Variants in PKIB observed in about 807,000 individuals in gnomAD.
The protein encoded by PKIB is cAMP-dependent protein kinase inhibitor beta.
Under a neutral mutation model 4.5 loss-of-function variants are expected in PKIB, and 2 were observed. The ratio of observed to expected loss-of-function variants is 0.44; its 90% CI spans 0.18 to 1.39. The LOEUF (loss-of-function observed/expected upper bound fraction) is 1.39. Ranked by LOEUF, PKIB falls within the 40% of genes most tolerant of loss-of-function variation. The probability of loss-of-function intolerance (pLI) is 0.27; values close to 1 mark genes in which losing one functional copy is unlikely to be tolerated. For missense variants in PKIB, 94 were observed against 92.6 expected (o/e 1.02, Z -0.06); for synonymous variants, 38 against 36.0 (o/e 1.06, Z -0.20).
chr6:122,475,469 C>T (rs1775428733), intron 1 of PKIB, among the ~76,000 whole-genome samples: 2 of 151,988 alleles, frequency 1.3e-5, no homozygotes, highest in African/African-American at 2.4e-5. Flanking sequence ...ACCTAGGCAA[C>T]ATAGTGAGAC....
chr6:122,671,963 C>T (rs559332763), intron 2 of PKIB, among the ~76,000 whole-genome samples: 2 of 152,096 alleles, frequency 1.3e-5, no homozygotes, highest in Non-Finnish European at 2.9e-5. Context: ...TACCTTAATT[C>T]CTGTTAGTTA....
chr6:122,483,487 C>T (rs1775683240), intron 2 of PKIB: 1 of 151,974 alleles, frequency 6.6e-6, no homozygotes, highest in Admixed American at 6.6e-5. Flanking sequence ...TGGTTAGAGT[C>T]CTCTAAATTA....
At chr6:122,589,250 TATTCCATG>T (rs1394903453) in intron 3 of PKIB, among the ~76,000 whole-genome samples, 1 of 152,190 alleles carries the variant, frequency 6.6e-6, no homozygotes, top group Non-Finnish European at 1.5e-5. Flanking sequence ...TTAATATTTT[TATTCCATG>T]AAATACTATG....
chr6:122,528,107 CTT>C (rs1777148362), intron 2 of PKIB, among the ~76,000 whole-genome samples: 1 of 152,120 alleles, frequency 6.6e-6, no homozygotes, highest in African/African-American at 2.4e-5. Context: ...AAAAGTTACT[CTT>C]TTATCATTCT....
chr6:122,537,429 A>G (rs1006448037), intron 2 of PKIB, among the ~76,000 whole-genome samples: 4 of 151,416 alleles, frequency 2.6e-5, no homozygotes, highest in Non-Finnish European at 4.4e-5. Flanking sequence ...TTGTGAGAAC[A>G]TTTTGGTTTT....
At chr6:122,642,093 C>T (rs1272461652) in intron 2 of PKIB, among the ~76,000 whole-genome samples, 1 of 152,224 alleles carries the variant, frequency 6.6e-6, no homozygotes, top group East Asian at 1.9e-4. Flanking sequence ...TACGGAAATA[C>T]ATAGCTATAG....
At chr6:122,674,607 AT>A (rs1777598493) in intron 2 of PKIB, among the ~76,000 whole-genome samples, 1 of 152,202 alleles carries the variant, frequency 6.6e-6, no homozygotes, top group Non-Finnish European at 1.5e-5. Flanking sequence ...TACTGGTAAT[AT>A]TGGTACAATG....
At chr6:122,569,167 T>G (rs1773284249) in intron 2 of PKIB, among the ~76,000 whole-genome samples, 1 of 152,158 alleles carries the variant, frequency 6.6e-6, no homozygotes, top group Non-Finnish European at 1.5e-5. Flanking sequence ...TATCCCCAAC[T>G]GGCTGTGCCC....
In PKIB at chr6:122,479,701, A is replaced by G. The variant is rs796601428; in HGVS notation, c.-248+1762A>G. On this transcript the variant is annotated intron_variant, in intron 2 of 6. Coordinates refer to the PKIB transcript ENST00000392491. ...AGATTTTCCTTTGGCGAGCAGTTAT[A>G]TATCAGGCACTCCCCAAACCCAACA... The G allele has an allele frequency of 4.1e-4, 63 of 152,324 alleles. 1 individual carries two copies. The highest frequency in any genetic ancestry group is 1.3e-3 in the African/African-American group (54 of 41,560). The allele number at this position is 152,324 out of a possible 1,614,324, so 9.4% of individuals were successfully genotyped here. A position where few individuals can be genotyped will look rare whatever the true frequency, so the allele number is the denominator to read the frequency against.
intron 2 of PKIB, among the ~76,000 whole-genome samples, chr6:122,527,691 C>G (rs996185232): frequency 1.3e-5 from 2 of 152,088 alleles, no homozygotes; most frequent in Admixed American, 1.3e-4. Context: ...GACCACAGAT[C>G]ACCCTACAGA....
chr6:122,648,017 G>C (rs916277346), intron 2 of PKIB, among the ~76,000 whole-genome samples: 4 of 152,204 alleles, frequency 2.6e-5, no homozygotes, highest in Non-Finnish European at 4.4e-5. Flanking sequence ...TTTCAGACAG[G>C]CTCATCCTTA....
chr6:122,638,368 G>A (rs1776005869), intron 2 of PKIB, among the ~76,000 whole-genome samples: 1 of 152,138 alleles, frequency 6.6e-6, no homozygotes, highest in African/African-American at 2.4e-5. Flanking sequence ...TAGACTCTGA[G>A]GACCAAATAT....
intron 3 of PKIB, among the ~76,000 whole-genome samples, chr6:122,703,139 T>G (rs1301492044): frequency 6.6e-6 from 1 of 152,196 alleles, no homozygotes; most frequent in African/African-American, 2.4e-5. Context: ...AAAGATAATA[T>G]AACATTTTAA....
chr6:122,486,032 GGC>G (rs1340771500), intron 2 of PKIB, among the ~76,000 whole-genome samples: 1 of 152,014 alleles, frequency 6.6e-6, no homozygotes, highest in East Asian at 1.9e-4. Flanking sequence ...ACACAAATGT[GGC>G]TAATTCATCA....
chr6:122,649,020 C>A (rs970436062), intron 2 of PKIB, among the ~76,000 whole-genome samples: 3 of 152,200 alleles, frequency 2.0e-5, no homozygotes, highest in African/African-American at 7.2e-5. Context: ...AGTGCAGTAT[C>A]CACAGAATGG....
chr6:122,675,677 C>A (rs575455042), intron 3 of PKIB, among the ~76,000 whole-genome samples: 5 of 152,168 alleles, frequency 3.3e-5, no homozygotes, highest in African/African-American at 1.2e-4. Context: ...CAAAACTGAT[C>A]AACTCACGAA....
Position 122,652,243 on chromosome 6 carries a change from G to T in PKIB, c.-76+18876G>T, listed in dbSNP as rs553357627. On this transcript the variant is annotated intron_variant, in intron 2 of 4. Coordinates refer to ENST00000368452, the MANE Select transcript of PKIB (RefSeq NM_181795.3). Reference sequence around the variant, plus strand: ...GGTGCAATTTATGGAGAATGTACATGTATGTATATACATACCTATATATAT... The same window carrying T: ...GGTGCAATTTATGGAGAATGTACATTTATGTATATACATACCTATATATAT... Among the ~76,000 whole-genome samples the T allele has an allele frequency of 4.0e-5, 6 of 151,836 alleles. No homozygotes were observed. In the East Asian group the frequency reaches 9.7e-4, roughly 25 times the overall value.
intron 2 of PKIB, among the ~76,000 whole-genome samples, chr6:122,524,193 T>C (rs73547221): frequency 0.017 from 2,368 of 141,506 alleles, 77 homozygotes; most frequent in African/African-American, 0.059. Context: ...CATCCTCCTC[T>C]TCTTCTTTCT....
intron 2 of PKIB, among the ~76,000 whole-genome samples, chr6:122,662,748 G>A (rs752302785): frequency 4.4e-4 from 67 of 152,240 alleles, no homozygotes; most frequent in Non-Finnish European, 2.2e-4. Context: ...TCCCTTATGA[G>A]GTTGGTAAAA....
Sources: allele counts gnomAD v4.1 joint callset (sites outside exome capture counted in the v4.1 genomes callset), GRCh38; gene constraint gnomAD v4.1.1; transcripts MANE v1.5; gene names NCBI Gene and HGNC (gene_info 2026-07-23, HGNC 2026-07-21).